The following TCF20 variants were observed in gnomAD, a reference collection of about 807,000 sequenced individuals.
TCF20 encodes the protein SPRE-binding protein.
Under a neutral mutation model 148.6 loss-of-function variants are expected in TCF20, and 3 were observed. The observed-to-expected ratio is 0.02, with a 90% CI of 0.01 to 0.05. The LOEUF (loss-of-function observed/expected upper bound fraction) is 0.05, where lower values mean the gene tolerates loss of function less well. Among genes scored for constraint, TCF20 ranks in the 10% least tolerant of loss-of-function variants. TCF20 has a pLI of 1.00. For missense variants in TCF20, 2,350 were observed against 2,429.3 expected (o/e 0.97, Z 0.69); for synonymous variants, 1,049 against 909.5 (o/e 1.15, Z -2.76).
chr22:42,343,117 G>A (rs181341789), intron 1 of TCF20, among the ~76,000 whole-genome samples: 2 of 152,298 alleles, frequency 1.3e-5, no homozygotes, highest in Admixed American at 1.3e-4. Context: ...GTCGCTGTGA[G>A]TGTCCTGGAG....
In TCF20 at chr22:42,212,490, T is replaced by G. The variant is rs1921081310; in HGVS notation, c.2816A>C (p.Gln939Pro). 6.2e-7 allele frequency: 1 copy of G among 1,614,088 alleles called. No homozygotes were observed. The highest frequency in any genetic ancestry group is 8.5e-7 in the Non-Finnish European group (1 of 1,180,044). The change falls in exon 2 of 6, where the codon CAA becomes CCA. Residue 939 changes from glutamine (Q) to proline (P), a missense_variant. This residue lies in a region of TCF20 where 1,641 missense variants were observed against 1,662.6 expected (regional missense o/e 0.99). Transcript: ENST00000677622. ...AGATTTCTTGTTGTTGAAACTAGCT[T>G]GAGATTTAGACTGTTCAAAGTCTTC... ...KEEDFEQSKS[Q>P]ASFNNKKSGD...
intron 5 of TCF20, among the ~76,000 whole-genome samples, chr22:42,168,264 G>A (rs1368066197): frequency 6.6e-6 from 1 of 152,162 alleles, no homozygotes; most frequent in African/African-American, 2.4e-5. Context: ...TGAGACGGGG[G>A]AAAGAGCAGG....
chr22:42,162,138 AC>A (rs1935506650), intron 5 of TCF20, among the ~76,000 whole-genome samples: 1 of 151,426 alleles, frequency 6.6e-6, no homozygotes, highest in South Asian at 2.1e-4. Flanking sequence ...ACGCCACCAC[AC>A]CCGGCTAATT....
At chr22:42,314,029 T>C (rs1927585266) in intron 1 of TCF20, among the ~76,000 whole-genome samples, 1 of 152,252 alleles carries the variant, frequency 6.6e-6, no homozygotes, top group South Asian at 2.1e-4. Context: ...GCAGGTGCTC[T>C]GTCTGCTGTG....
intron 3 of TCF20, among the ~76,000 whole-genome samples, chr22:42,173,128 A>G (rs1010284374): frequency 2.7e-5 from 2 of 73,826 alleles, no homozygotes; most frequent in East Asian, 8.7e-4. Context: ...GAGTAGAAGA[A>G]AAAAAAAAAA....
rs756278702 is a variant in TCF20 at position 42,211,902 on chromosome 22, G to A, written c.3404C>T (p.Pro1135Leu). 6.2e-7 allele frequency: 1 copy of A among 1,614,114 alleles called. No individual in the cohort carries two copies. The highest frequency in any genetic ancestry group is 1.7e-5 in the Admixed American group (1 of 60,018). Residue 1135 changes from proline to leucine, a missense_variant, in exon 2 of 6, where the codon CCT becomes CTT. Around this residue, in one of 7 missense-constraint regions of TCF20, gnomAD observed 1,641 missense variants for 1,662.6 expected, o/e 0.99. Coordinates refer to ENST00000677622, the MANE Select transcript of TCF20 (RefSeq NM_001378418.1). ...QQQFLDRVRS[P>L]LKNDKDGMMY... Reference sequence around the variant, plus strand: ...CATACCATCTTTGTCATTTTTCAGAGGGCTCCGTACTCTGTCAAGAAACTG... The same window carrying A: ...CATACCATCTTTGTCATTTTTCAGAAGGCTCCGTACTCTGTCAAGAAACTG...
chr22:42,162,509 C>G (rs1336599280), intron 5 of TCF20, among the ~76,000 whole-genome samples: 1 of 152,184 alleles, frequency 6.6e-6, no homozygotes, highest in Non-Finnish European at 1.5e-5. Context: ...TACCAAAGGT[C>G]CCTGTGGAAC....
intron 1 of TCF20, among the ~76,000 whole-genome samples, chr22:42,238,272 T>C (rs993392223): frequency 6.6e-6 from 1 of 152,252 alleles, no homozygotes; most frequent in East Asian, 1.9e-4. Flanking sequence ...ACTTCACTTC[T>C]GCAGCTTCTT....
chr22:42,197,409 GC>G (rs1200093755), intron 2 of TCF20, among the ~76,000 whole-genome samples: 2 of 148,384 alleles, frequency 1.3e-5, no homozygotes, highest in Non-Finnish European at 3.0e-5. Context: ...TGCAAGCTCC[GC>G]CTCCCGGGTT....
At position 42,163,308 on chromosome 22, in the gene TCF20, G is replaced by A. The variant is rs533259741; in HGVS notation, c.*45-1950C>T. On this transcript the variant is annotated intron_variant, in intron 5 of 5. Transcript: ENST00000677622. Reference sequence around the variant, plus strand: ...TGGGGCGCGTGGTGGCCCAGGCAGCGGCAGTTCCTCAGCACCTGCAGCCTG... The same window carrying A: ...TGGGGCGCGTGGTGGCCCAGGCAGCAGCAGTTCCTCAGCACCTGCAGCCTG... 5.9e-5 allele frequency among the ~76,000 whole-genome samples: 9 copies of A among 152,326 alleles called. No homozygotes were observed. The South Asian group carries it at 1.7e-3, about 28-fold the overall frequency.
chr22:42,270,868 G>A (rs960313962), upstream of TCF20, among the ~76,000 whole-genome samples: 10 of 151,086 alleles, frequency 6.6e-5, no homozygotes, highest in East Asian at 2.0e-4. Context: ...AGGGTCGCAC[G>A]GGGTTCTCCT....
chr22:42,164,819 A>T (rs1466507041), intron 5 of TCF20, among the ~76,000 whole-genome samples: 2 of 152,222 alleles, frequency 1.3e-5, no homozygotes, highest in Non-Finnish European at 2.9e-5. Flanking sequence ...TTCAACATGA[A>T]GATGGGGAGC....
rs1927151960 is a variant in TCF20, at chr22:42,292,590, A to C, written c.-37+50889T>G. 3.9e-5 allele frequency among the ~76,000 whole-genome samples: 6 copies of C among 152,298 alleles called. No homozygotes were observed. Among genetic ancestry groups the C allele is most frequent in the Admixed American group, 2.6e-4 (4 of 15,294 alleles). On this transcript the variant is annotated intron_variant, in intron 1 of 1. Transcript: ENST00000515426. This position sits in a 1 kb window ranked among gnomAD's most constrained non-coding sequence, Gnocchi z 4.9. The stretch of plus-strand genomic sequence containing the variant: ...GTTGTGAGATGCCAGAAGAGTGGGC[A>C]GCACGGTGGCCTGGATAAATCCCAG...
At chr22:42,179,985 G>A (rs1004219232) in intron 2 of TCF20, among the ~76,000 whole-genome samples, 122 of 152,202 alleles carry the variant, frequency 8.0e-4, no homozygotes, top group African/African-American at 2.9e-3. Flanking sequence ...GCCAGAGTGG[G>A]GTCCCCAGCC....
In TCF20 at chr22:42,181,340, C is replaced by T. The variant is rs1270738126; in HGVS notation, c.5656-1638G>A. ...CTGGGATTACAGGCGTATGCCACCA[C>T]GCCAGGCTAATTTTTGTATTTTTAG... On this transcript the variant is annotated intron_variant, in intron 2 of 5. Coordinates refer to ENST00000677622, the MANE Select transcript of TCF20 (RefSeq NM_001378418.1). Among the ~76,000 whole-genome samples, 5 of 152,008 alleles carry T rather than the reference C, an allele frequency of 3.3e-5. 1 individual carries two copies. Among genetic ancestry groups the T allele is most frequent in the Admixed American group, 2.6e-4 (4 of 15,258 alleles).
intron 1 of TCF20, among the ~76,000 whole-genome samples, chr22:42,323,899 GTGGAGGTGGTGGTGGTGATGGAGGTTA>G (rs1569209657): frequency 2.5e-4 from 24 of 96,194 alleles, no homozygotes; most frequent in East Asian, 7.1e-4. Flanking sequence ...GGTTATGGTG[GTGGAGGTGGTGGTGGTGATGGAGGTTA>G]TGGTGGTGGT....
chr22:42,172,626 A>G (rs1409057101), intron 3 of TCF20, among the ~76,000 whole-genome samples: 2 of 152,334 alleles, frequency 1.3e-5, no homozygotes, highest in East Asian at 1.9e-4. Flanking sequence ...TGGATTTACT[A>G]AGCTCCTCAT....
chr22:42,228,974 C>T (rs138938772), intron 1 of TCF20, among the ~76,000 whole-genome samples: 6 of 152,228 alleles, frequency 3.9e-5, no homozygotes, highest in East Asian at 1.9e-4. Context: ...GTGCACAAGA[C>T]GGTGTAGTGT....
intron 1 of TCF20, among the ~76,000 whole-genome samples, chr22:42,254,733 G>A (rs571937024): frequency 1.3e-5 from 2 of 152,128 alleles, no homozygotes; most frequent in African/African-American, 4.8e-5. Flanking sequence ...TTGAGAGGCC[G>A]TGACAGGCAG....
Sources: allele counts gnomAD v4.1 joint callset (sites outside exome capture counted in the v4.1 genomes callset), GRCh38; gene constraint gnomAD v4.1.1; regional missense constraint gnomAD v4.1.1; non-coding constraint Gnocchi (gnomAD v3.1); transcripts MANE v1.5; gene names NCBI Gene and HGNC (gene_info 2026-07-23, HGNC 2026-07-21).